The following OSBP2 variants were observed in gnomAD, a reference collection of about 807,000 sequenced individuals.
OSBP2 encodes oxysterol-binding protein 2.
Under a neutral mutation model 96.0 loss-of-function variants are expected in OSBP2, and 66 were observed. That is an observed-to-expected ratio of 0.69 (90% CI 0.56 to 0.84). OSBP2 has a LOEUF of 0.84. Ranked by LOEUF, OSBP2 falls within the 40% of genes least tolerant of loss-of-function variation. OSBP2 has a pLI of 0.00. For missense variants in OSBP2, 1,038 were observed against 1,222.7 expected (o/e 0.85, Z 2.25); for synonymous variants, 525 against 520.9 (o/e 1.01, Z -0.11).
intron 3 of OSBP2, among the ~76,000 whole-genome samples, chr22:30,876,879 G>A (rs1374656559): frequency 6.6e-6 from 1 of 152,148 alleles, no homozygotes; most frequent in African/African-American, 2.4e-5. Context: ...CTACACTGCT[G>A]CATTATGGTA....
chr22:30,778,360 C>T (rs540575556), intron 2 of OSBP2, among the ~76,000 whole-genome samples: 200 of 151,372 alleles, frequency 1.3e-3, no homozygotes, highest in African/African-American at 4.7e-3. Context: ...TGGCCACCAC[C>T]GTGTTCTCCT....
At position 30,890,246 on chromosome 22, in the gene OSBP2, C is replaced by G. The variant is rs895203662; in HGVS notation, c.1624-482C>G. Among the ~76,000 whole-genome samples the G allele has an allele frequency of 1.3e-5, 2 of 152,250 alleles. No individual in the cohort carries two copies. Among genetic ancestry groups the G allele is most frequent in the East Asian group, 3.9e-4 (2 of 5,166 alleles). Reference sequence around the variant, plus strand: ...AGCTGAGACTCGTACCCGATGGCATCATGGTGGGGAGAGTGACCCTGCCCT... The same window carrying G: ...AGCTGAGACTCGTACCCGATGGCATGATGGTGGGGAGAGTGACCCTGCCCT... On this transcript the variant is annotated intron_variant, in intron 7 of 13. Transcript: ENST00000332585. This position sits in a 1 kb window ranked among gnomAD's most constrained non-coding sequence, Gnocchi z 4.4.
At chr22:30,852,920 C>T (rs180751902) in intron 2 of OSBP2, among the ~76,000 whole-genome samples, 144 of 152,184 alleles carry the variant, frequency 9.5e-4, no homozygotes, top group Non-Finnish European at 1.5e-3. Context: ...TCCATATATT[C>T]GGGGTTTTTT....
intron 2 of OSBP2, among the ~76,000 whole-genome samples, chr22:30,790,452 C>G (rs2090658103): frequency 6.6e-6 from 1 of 151,920 alleles, no homozygotes; most frequent in Non-Finnish European, 1.5e-5. Flanking sequence ...GCCAGAGGCT[C>G]CTCATTAGTC....
At chr22:30,873,282 G>A (rs2147115309) in intron 3 of OSBP2, among the ~76,000 whole-genome samples, 1 of 152,224 alleles carries the variant, frequency 6.6e-6, no homozygotes, top group Non-Finnish European at 1.5e-5. Context: ...TTGGAGGGTT[G>A]CAGAGGCCCC....
At chr22:30,703,760 G>A (rs1459657272) in intron 1 of OSBP2, among the ~76,000 whole-genome samples, 2 of 152,158 alleles carry the variant, frequency 1.3e-5, no homozygotes, top group African/African-American at 2.4e-5. Flanking sequence ...ACAGGTGTGA[G>A]CCATCGTGCC....
intron 1 of OSBP2, among the ~76,000 whole-genome samples, chr22:30,700,032 G>T (rs1013071713): frequency 8.6e-5 from 13 of 150,362 alleles, no homozygotes; most frequent in African/African-American, 3.2e-4. Context: ...GCACGATCTC[G>T]GCTCACTGTG....
At chr22:30,813,185 T>A in intron 2 of OSBP2, among the ~76,000 whole-genome samples, 1 of 142,612 alleles carries the variant, frequency 7.0e-6, no homozygotes, top group Non-Finnish European at 1.5e-5. Flanking sequence ...TTTTTTTTTT[T>A]TTTTTTTTTT....
At chr22:30,754,986 C>T (rs2090123122) in intron 2 of OSBP2, among the ~76,000 whole-genome samples, 1 of 152,202 alleles carries the variant, frequency 6.6e-6, no homozygotes, top group African/African-American at 2.4e-5. Flanking sequence ...TGCTTTCTTC[C>T]TGTATACCCA....
chr22:30,857,730 G>A (rs995793157), intron 2 of OSBP2, among the ~76,000 whole-genome samples: 1 of 152,206 alleles, frequency 6.6e-6, no homozygotes, highest in South Asian at 2.1e-4. Flanking sequence ...TGCATGGGGT[G>A]GGAGATAAGG....
At position 30,907,540 on chromosome 22, in the gene OSBP2, C is replaced by T. The variant is rs1454462325; in HGVS notation, c.*1201C>T. ...CCACTGACCCAGCCCCTCAGAATCC[C>T]ACACTCCAATCCTTTCCATTTCAGT... On this transcript the variant is annotated 3_prime_UTR_variant, in exon 14 of 14. Coordinates refer to ENST00000332585, the MANE Select transcript of OSBP2 (RefSeq NM_030758.4). 2 of 152,386 alleles carry T rather than the reference C, an allele frequency of 1.3e-5. No individual in the cohort carries two copies. The highest frequency in any genetic ancestry group is 1.3e-4 in the Admixed American group (2 of 15,270). The allele number at this position is 152,386 out of a possible 1,614,324, so 9.4% of individuals were successfully genotyped here.
intron 1 of OSBP2, among the ~76,000 whole-genome samples, chr22:30,721,512 G>T (rs976503357): frequency 6.6e-6 from 1 of 152,178 alleles, no homozygotes; most frequent in African/African-American, 2.4e-5. Flanking sequence ...CTCTGTTTGG[G>T]GAGTCTGCAA....
Position 30,694,909 on chromosome 22 carries a change from T to C in OSBP2, c.-1T>C. 1.4e-6 allele frequency: 2 copies of C among 1,395,246 alleles called. No individual in the cohort carries two copies. Among genetic ancestry groups the C allele is most frequent in the Non-Finnish European group, 1.9e-6 (2 of 1,074,042 alleles). The allele number at this position is 1,395,246 out of a possible 1,614,324, so 86.4% of individuals were successfully genotyped here. A position where few individuals can be genotyped will look rare whatever the true frequency, so the allele number is the denominator to read the frequency against. On this transcript the variant is annotated 5_prime_UTR_variant, in exon 1 of 14. Coordinates refer to ENST00000332585, the MANE Select transcript of OSBP2 (RefSeq NM_030758.4). Reference sequence around the variant, plus strand: ...CGGCCGCGCGCGGGTCGGCCGGCTCTATGGGGAAAGCGGCGGCTCCGAGCC... The same window carrying C: ...CGGCCGCGCGCGGGTCGGCCGGCTCCATGGGGAAAGCGGCGGCTCCGAGCC...
At chr22:30,824,815 G>A (rs1272086919) in intron 2 of OSBP2, among the ~76,000 whole-genome samples, 2 of 152,208 alleles carry the variant, frequency 1.3e-5, no homozygotes, top group Admixed American at 1.3e-4. Flanking sequence ...GGATGCCGAG[G>A]GATGAGGTCC....
intron 12 of OSBP2, among the ~76,000 whole-genome samples, chr22:30,899,184 C>T (rs2040134400): frequency 6.6e-6 from 1 of 151,732 alleles, no homozygotes; most frequent in South Asian, 2.1e-4. Flanking sequence ...AGTTCAAGAC[C>T]AACCTGGGCA....
chr22:30,800,943 T>C (rs949024982), intron 2 of OSBP2, among the ~76,000 whole-genome samples: 4 of 152,196 alleles, frequency 2.6e-5, no homozygotes, highest in Admixed American at 2.0e-4. Flanking sequence ...TGTTTAGAAA[T>C]TGGCTTCTCT....
At chr22:30,756,634 G>A (rs774985477) in intron 2 of OSBP2, among the ~76,000 whole-genome samples, 14 of 152,014 alleles carry the variant, frequency 9.2e-5, no homozygotes, top group Non-Finnish European at 1.9e-4. Flanking sequence ...TGGAGTTTGC[G>A]GTGAGCAAAG....
At position 30,890,931 on chromosome 22, in the gene OSBP2, G is replaced by A; in HGVS notation, c.1827G>A (p.Leu609=). 1.9e-6 allele frequency: 3 copies of A among 1,611,770 alleles called. No individual in the cohort carries two copies. In the Admixed American group the frequency reaches 5.0e-5, roughly 27 times the overall value. Residue 609 remains leucine, a synonymous_variant, in exon 8 of 14, where the codon CTG becomes CTA. Transcript: ENST00000332585. This position sits in a 1 kb window ranked among gnomAD's most constrained non-coding sequence, Gnocchi z 4.4. ...FNPMLGETFE[L]DRLDDMGLRS... ...CCATGCTGGGGGAGACCTTCGAGCTGGACCGCCTCGACGACATGGGCCTGC... is the reference window on the plus strand; with the variant it reads ...CCATGCTGGGGGAGACCTTCGAGCTAGACCGCCTCGACGACATGGGCCTGC...
chr22:30,869,209 G>A (rs911138662), intron 2 of OSBP2, among the ~76,000 whole-genome samples: 5 of 152,212 alleles, frequency 3.3e-5, no homozygotes, highest in African/African-American at 1.2e-4. Context: ...GAGGTAAGAG[G>A]GGGCGTGGGA....
Sources: gnomAD v4.1 joint callset for allele counts (sites outside exome capture counted in the v4.1 genomes callset) on GRCh38, gnomAD v4.1.1 for gene constraint, Gnocchi (gnomAD v3.1) non-coding constraint, MANE v1.5 for transcripts, NCBI Gene and HGNC (gene_info 2026-07-23, HGNC 2026-07-21) for gene names.